The following RANBP2 variants were observed in gnomAD, a reference collection of about 807,000 sequenced individuals.
RANBP2 encodes the protein RAN binding protein 2.
In RANBP2, 57 loss-of-function variants were observed where a neutral mutation model predicts 303.6. That is an observed-to-expected ratio of 0.19 (90% CI 0.15 to 0.23). RANBP2 has a LOEUF of 0.23. Ranked by LOEUF, RANBP2 falls within the 10% of genes least tolerant of loss-of-function variation. The pLI is 1.00. For synonymous variants in RANBP2, 1,167 were observed against 1,301.5 expected, an observed-to-expected ratio of 0.90 and a Z score of 2.23; for missense variants, 3,138 against 3,780.8, an observed-to-expected ratio of 0.83 and a Z score of 4.46.
the RANBP2 span, among the ~76,000 whole-genome samples, chr2:109,670,491 T>C: frequency 2.0e-5 from 3 of 151,686 alleles, no homozygotes; most frequent in Non-Finnish European, 2.9e-5. Flanking sequence ...GGGGGCACTA[T>C]TGGGGGCTAT....
chr2:108,730,608 A>G (rs1695089981), intron 2 of RANBP2, among the ~76,000 whole-genome samples, 166 bp from the exon 3 acceptor site: 1 of 152,216 alleles, frequency 6.6e-6, no homozygotes. Context: ...TTTAAGTATT[A>G]TCTATTTCTA....
chr2:109,178,027 A>G, the RANBP2 span, among the ~76,000 whole-genome samples: 4 of 152,150 alleles, frequency 2.6e-5, no homozygotes, highest in Non-Finnish European at 5.9e-5. Flanking sequence ...TTTTCTCCCA[A>G]TTGTTCAAGT....
At chr2:109,669,939 C>A in the RANBP2 span, among the ~76,000 whole-genome samples, 33 of 151,830 alleles carry the variant, frequency 2.2e-4, no homozygotes, top group South Asian at 6.5e-3. Flanking sequence ...AGCGACCCCC[C>A]ACCACGGGCA....
chr2:109,401,772 A>C, the RANBP2 span, among the ~76,000 whole-genome samples: 1 of 152,116 alleles, frequency 6.6e-6, no homozygotes, highest in Non-Finnish European at 1.5e-5. Context: ...TCATGTTGCC[A>C]TGGCCTCCGT....
At chr2:109,192,854 C>T in the RANBP2 span, among the ~76,000 whole-genome samples, 1 of 152,192 alleles carries the variant, frequency 6.6e-6, no homozygotes, top group Non-Finnish European at 1.5e-5. Context: ...TTCTCCTGCA[C>T]CTGTTTCTGT....
chr2:109,059,538 T>C, the RANBP2 span, among the ~76,000 whole-genome samples: 2 of 150,852 alleles, frequency 1.3e-5, no homozygotes, highest in East Asian at 2.0e-4. Context: ...ATCACACCAC[T>C]GCACTCCAGC....
the RANBP2 span, among the ~76,000 whole-genome samples, chr2:108,969,153 C>T: frequency 6.6e-6 from 1 of 152,130 alleles, no homozygotes; most frequent in African/African-American, 2.4e-5. Flanking sequence ...AGAAAGAAGG[C>T]ACCTCTGCTC....
chr2:109,509,319 A>G, the RANBP2 span, among the ~76,000 whole-genome samples: 1 of 152,206 alleles, frequency 6.6e-6, no homozygotes, highest in Admixed American at 6.5e-5. Context: ...TGCCTGTATC[A>G]GTCACTTAGG....
chr2:108,871,399 A>C, the RANBP2 span, among the ~76,000 whole-genome samples: 2 of 150,258 alleles, frequency 1.3e-5, no homozygotes, highest in South Asian at 4.2e-4. Context: ...AAAAAAATAG[A>C]AAAATTAACT....
At chr2:109,044,102 C>G in the RANBP2 span, among the ~76,000 whole-genome samples, 1 of 152,178 alleles carries the variant, frequency 6.6e-6, no homozygotes, top group Non-Finnish European at 1.5e-5. Flanking sequence ...AAAATTCCAA[C>G]TGTGCTTAGA....
the RANBP2 span, among the ~76,000 whole-genome samples, chr2:108,924,759 C>T: frequency 6.6e-6 from 1 of 152,176 alleles, no homozygotes; most frequent in Non-Finnish European, 1.5e-5. Flanking sequence ...AAAACACCTC[C>T]CAGAGAAGCC....
chr2:109,639,047 T>C, the RANBP2 span, among the ~76,000 whole-genome samples: 4 of 152,222 alleles, frequency 2.6e-5, no homozygotes, highest in Non-Finnish European at 4.4e-5. Flanking sequence ...AGGGGCTAGT[T>C]GACTAATGCT....
chr2:108,744,626 A>G (rs2149185918), intron 7 of RANBP2, among the ~76,000 whole-genome samples: 1 of 152,386 alleles, frequency 6.6e-6, no homozygotes, highest in Middle Eastern at 3.4e-3. Context: ...CATGATGTTT[A>G]GAAAACTTGT....
the RANBP2 span, among the ~76,000 whole-genome samples, chr2:109,710,313 C>T: frequency 2.5e-3 from 367 of 148,856 alleles, 3 homozygotes; most frequent in Non-Finnish European, 2.3e-3. Flanking sequence ...ACCCAGGAGG[C>T]GGAGGTTGCA....
intron 15 of RANBP2, 106 bp from the exon 16 acceptor site, chr2:108,754,799 A>T (rs1676169173): frequency 6.4e-7 from 1 of 1,569,588 alleles, no homozygotes; most frequent in Non-Finnish European, 8.7e-7. Flanking sequence ...TAAAGTGCCT[A>T]TTAAAGTGGC....
At chr2:109,456,008 G>C in the RANBP2 span, among the ~76,000 whole-genome samples, 1 of 152,340 alleles carries the variant, frequency 6.6e-6, no homozygotes, top group African/African-American at 2.4e-5. Flanking sequence ...CTGCCCTGCA[G>C]CCTGCTCACG....
At chr2:109,304,683 C>G in the RANBP2 span, among the ~76,000 whole-genome samples, 1 of 152,238 alleles carries the variant, frequency 6.6e-6, no homozygotes, top group Admixed American at 6.5e-5. Flanking sequence ...ATTTCTCCGT[C>G]TCACTAGCCA....
chr2:109,280,017 G>A, the RANBP2 span, among the ~76,000 whole-genome samples: 7 of 152,170 alleles, frequency 4.6e-5, no homozygotes, highest in Admixed American at 3.9e-4. Context: ...CCCAGGGTGG[G>A]AGTAGAGGAG....
chr2:109,387,480 TC>T, the RANBP2 span, among the ~76,000 whole-genome samples: 1 of 152,176 alleles, frequency 6.6e-6, no homozygotes, highest in Non-Finnish European at 1.5e-5. Flanking sequence ...CCTCAGACAC[TC>T]CAGCCAGCTG....
Sources: gnomAD v4.1 joint callset for allele counts (sites outside exome capture counted in the v4.1 genomes callset) on GRCh38, gnomAD v4.1.1 for gene constraint, MANE v1.5 for transcripts, NCBI Gene and HGNC (gene_info 2026-07-23, HGNC 2026-07-21) for gene names.